The following CFAP61 variants were observed in gnomAD, a reference collection of about 807,000 sequenced individuals.
CFAP61 encodes the protein cilia and flagella associated protein 61.
CFAP61 carries 107 observed loss-of-function variants against 135.6 expected under a neutral mutation model. The ratio of observed to expected loss-of-function variants is 0.79; its 90% confidence interval spans 0.67 to 0.93. CFAP61 has a LOEUF of 0.93. Among genes scored for constraint, CFAP61 ranks in the 40% least tolerant of loss-of-function variants. The probability of loss-of-function intolerance (pLI) is 0.00; values close to 1 mark genes in which losing one functional copy is unlikely to be tolerated. For synonymous variants in CFAP61, 575 were observed against 578.5 expected (o/e 0.99, Z 0.09); for missense variants, 1,507 against 1,556.2 (o/e 0.97, Z 0.53).
At chr20:20,332,299 T>C (rs1406806293) in intron 25 of CFAP61, among the ~76,000 whole-genome samples, 1 of 152,226 alleles carries the variant, frequency 6.6e-6, no homozygotes, top group African/African-American at 2.4e-5. Flanking sequence ...AACATTATGC[T>C]ATTTCTACAA....
intron 25 of CFAP61, among the ~76,000 whole-genome samples, chr20:20,319,458 G>A (rs2057320056): frequency 6.6e-6 from 1 of 152,208 alleles, no homozygotes; most frequent in Non-Finnish European, 1.5e-5. Context: ...TTGTTTCATG[G>A]GGGCGGATTT....
intron 17 of CFAP61, among the ~76,000 whole-genome samples, chr20:20,216,308 G>A (rs1018217077): frequency 4.6e-5 from 7 of 152,202 alleles, no homozygotes; most frequent in Admixed American, 3.3e-4. Flanking sequence ...TTACACTGAC[G>A]TGTGATGTCA....
chr20:20,153,783 AAAG>A lies in CFAP61; in HGVS notation c.952-5581_952-5579del, dbSNP rs1258616417. On this transcript the variant is annotated intron_variant, in intron 9 of 26. Coordinates refer to ENST00000245957, the MANE Select transcript of CFAP61 (RefSeq NM_015585.4). ...CACAGCTGAATTCTATCAGGCATTCAAAGAAGAATTGGTACCAATCTTACTGAT... is the reference window on the plus strand; with the variant it reads ...CACAGCTGAATTCTATCAGGCATTCAAAGAATTGGTACCAATCTTACTGAT... Among the ~76,000 whole-genome samples the A allele has an allele frequency of 7.9e-5, 12 of 152,294 alleles. No homozygotes were observed. The East Asian group carries it at 2.1e-3, about 27-fold the overall frequency.
At chr20:20,063,600 A>T (rs2044992195) in intron 2 of CFAP61, among the ~76,000 whole-genome samples, 1 of 152,220 alleles carries the variant, frequency 6.6e-6, no homozygotes, top group Admixed American at 6.5e-5. Flanking sequence ...TCTCATATGT[A>T]TACAAACCTT....
chr20:20,096,189 T>C (rs2047554405), intron 7 of CFAP61, among the ~76,000 whole-genome samples: 1 of 152,222 alleles, frequency 6.6e-6, no homozygotes, highest in Non-Finnish European at 1.5e-5. Flanking sequence ...AGAATACATT[T>C]GGATACTCCT....
At chr20:20,319,165 G>C (rs559473282) in intron 25 of CFAP61, among the ~76,000 whole-genome samples, 1 of 152,300 alleles carries the variant, frequency 6.6e-6, no homozygotes, top group South Asian at 2.1e-4. Context: ...ATAATACATA[G>C]TTCTGCATTG....
chr20:20,086,558 G>A (rs543607514), intron 6 of CFAP61, among the ~76,000 whole-genome samples: 27 of 152,016 alleles, frequency 1.8e-4, no homozygotes, highest in African/African-American at 6.5e-4. Context: ...CTAAGTAGAG[G>A]GGCTGTGATG....
chr20:20,260,542 C>T (rs893709525), intron 20 of CFAP61, among the ~76,000 whole-genome samples: 4 of 152,124 alleles, frequency 2.6e-5, no homozygotes, highest in African/African-American at 9.7e-5. Context: ...TGCTCTTATT[C>T]TTTATAGTAG....
intron 20 of CFAP61, 96 bp from the exon 21 acceptor site, chr20:20,262,860 C>A (rs560989416): frequency 1.5e-5 from 8 of 535,648 alleles, no homozygotes; most frequent in Non-Finnish European, 2.5e-5. Context: ...CAGAAAAAGA[C>A]ATACTGAATA....
At chr20:20,068,901 C>T (rs73605571) in intron 2 of CFAP61, among the ~76,000 whole-genome samples, 12,014 of 152,242 alleles carry the variant, frequency 0.079, 1,331 homozygotes, top group East Asian at 0.6. Flanking sequence ...TGTGCCATCA[C>T]GCCCAGCTGA....
At chr20:20,055,896 C>T in intron 1 of CFAP61, 1 of 1,363,456 alleles carries the variant, frequency 7.3e-7, no homozygotes, top group Admixed American at 1.7e-5. Flanking sequence ...AGAAGAGAGA[C>T]TTACAGAAAT....
chr20:20,067,952 A>C (rs1199860960), intron 2 of CFAP61, among the ~76,000 whole-genome samples: 1 of 151,870 alleles, frequency 6.6e-6, no homozygotes, highest in Non-Finnish European at 1.5e-5. Context: ...ACAGTCAGCT[A>C]TTTGTAAACT....
chr20:20,351,213 G>A (rs934049778), intron 26 of CFAP61, among the ~76,000 whole-genome samples: 2 of 151,906 alleles, frequency 1.3e-5, no homozygotes, highest in Non-Finnish European at 2.9e-5. Context: ...AATCCTTAAA[G>A]ACTCCACCAA....
intron 25 of CFAP61, among the ~76,000 whole-genome samples, chr20:20,309,273 C>T (rs1022874796): frequency 3.3e-5 from 5 of 152,050 alleles, no homozygotes; most frequent in African/African-American, 1.2e-4. Flanking sequence ...ACAGAAAATG[C>T]AGAAAAATAT....
chr20:20,070,429 T>A (rs1355040518), intron 2 of CFAP61, among the ~76,000 whole-genome samples: 1 of 152,146 alleles, frequency 6.6e-6, no homozygotes, highest in African/African-American at 2.4e-5. Flanking sequence ...TTCATTTTTT[T>A]AATGCCATGA....
At chr20:20,160,501 G>C (rs2053303325) in intron 10 of CFAP61, among the ~76,000 whole-genome samples, 1 of 152,132 alleles carries the variant, frequency 6.6e-6, no homozygotes, top group Non-Finnish European at 1.5e-5. Flanking sequence ...CTTGGACCGA[G>C]AACACAAATG....
At chr20:20,279,075 A>G (rs2053989558) in intron 22 of CFAP61, among the ~76,000 whole-genome samples, 2 of 152,192 alleles carry the variant, frequency 1.3e-5, no homozygotes, top group Non-Finnish European at 2.9e-5. Context: ...TTTATTCTGG[A>G]GCACCTCTAG....
chr20:20,301,118 C>T (rs2056062719), intron 25 of CFAP61, among the ~76,000 whole-genome samples: 1 of 152,124 alleles, frequency 6.6e-6, no homozygotes, highest in South Asian at 2.1e-4. Context: ...GGCCTTCGCA[C>T]CCACTCACCA....
intron 26 of CFAP61, among the ~76,000 whole-genome samples, chr20:20,352,393 C>G (rs2058870952): frequency 6.6e-6 from 1 of 152,166 alleles, no homozygotes; most frequent in African/African-American, 2.4e-5. Flanking sequence ...ACACCTCTGT[C>G]TTTCGACAGA....
Sources: allele counts gnomAD v4.1 joint callset (sites outside exome capture counted in the v4.1 genomes callset), GRCh38; gene constraint gnomAD v4.1.1; transcripts MANE v1.5; gene names NCBI Gene and HGNC (gene_info 2026-07-23, HGNC 2026-07-21).